Variants in GRAMD1A observed in about 807,000 individuals in gnomAD.
GRAMD1A encodes the protein protein Aster-A.
Under a neutral mutation model 92.0 loss-of-function variants are expected in GRAMD1A, and 50 were observed. That is an observed-to-expected ratio of 0.54 (90% CI 0.43 to 0.69). The LOEUF (loss-of-function observed/expected upper bound fraction) is 0.69. GRAMD1A is among the 30% of genes least tolerant of loss of function. The probability of loss-of-function intolerance (pLI) is 0.00; values close to 1 mark genes in which losing one functional copy is unlikely to be tolerated. For synonymous variants in GRAMD1A, 405 were observed against 403.6 expected (o/e 1.00, Z -0.04); for missense variants, 819 against 978.9 (o/e 0.84, Z 2.18).
intron 9 of GRAMD1A, 99 bp from the exon 10 acceptor site, chr19:35,014,090 G>C: frequency 8.8e-7 from 1 of 1,139,896 alleles, no homozygotes; most frequent in Admixed American, 1.8e-5. Context: ...CACCACCCCG[G>C]GTCTGCACAG....
intron 11 of GRAMD1A, among the ~76,000 whole-genome samples, chr19:35,016,803 G>T (rs1304298333): frequency 6.6e-6 from 1 of 151,320 alleles, no homozygotes; most frequent in East Asian, 1.9e-4. Flanking sequence ...TACTCAGGAG[G>T]CTAAGGCAGG....
intron 16 of GRAMD1A, 148 bp from the exon 17 acceptor site, chr19:35,022,752 G>A: frequency 1.6e-6 from 1 of 635,468 alleles, no homozygotes; most frequent in Non-Finnish European, 2.4e-6. Context: ...TACATGCTCA[G>A]CCTCTGAGCC....
chr19:35,012,070 T>G (rs2015282811), intron 7 of GRAMD1A, among the ~76,000 whole-genome samples: 1 of 152,220 alleles, frequency 6.6e-6, no homozygotes, highest in Non-Finnish European at 1.5e-5. Context: ...CCCCATCCCC[T>G]GGGGCAAGTG....
intron 1 of GRAMD1A, among the ~76,000 whole-genome samples, chr19:35,003,643 T>A (rs2014584532): frequency 6.6e-6 from 1 of 152,198 alleles, no homozygotes; most frequent in Non-Finnish European, 1.5e-5. Context: ...GCTAGAGGGC[T>A]GAGAAAAGCA....
chr19:35,010,208 C>T lies in GRAMD1A; in HGVS notation c.429+13C>T, dbSNP rs776009131. On this transcript the variant is annotated intron_variant, in intron 5 of 19. Transcript: ENST00000317991. ...CTGGGAGACCACGGTGAGCCCGCAG[C>T]GGGGCAGGGTACAGGGGCGGGGGCC... 1.2e-5 allele frequency: 20 copies of T among 1,601,752 alleles called. No homozygotes were observed. The highest frequency in any genetic ancestry group is 3.3e-4 in the Middle Eastern group (2 of 6,062).
intron 16 of GRAMD1A, among the ~76,000 whole-genome samples, chr19:35,022,298 T>A (rs2016118195): frequency 6.6e-6 from 1 of 152,136 alleles, no homozygotes; most frequent in Non-Finnish European, 1.5e-5. Context: ...GGGGGCTTTC[T>A]GGAGGAGCAG....
intron 6 of GRAMD1A, chr19:35,010,590 T>C (rs1215616510): frequency 1.7e-6 from 1 of 602,630 alleles, no homozygotes; most frequent in East Asian, 2.8e-5. Flanking sequence ...CTCACACAGC[T>C]GCTCAGGAAC....
rs2015799176 is a variant in GRAMD1A at position 35,018,438 on chromosome 19, C to T, written c.1214-753C>T. Among the ~76,000 whole-genome samples the T allele has an allele frequency of 2.6e-5, 4 of 152,246 alleles. No homozygotes were observed. In the South Asian group the frequency reaches 8.3e-4, roughly 32 times the overall value. On this transcript the variant is annotated intron_variant, in intron 11 of 19. Transcript: ENST00000317991. ...ACAGCAGCAAACCATGAGGGATCCG[C>T]CCCCATGATCCAAACACCTCTCACC...
chr19:35,000,697 G>A lies in GRAMD1A; in HGVS notation c.8+211G>A, dbSNP rs1362016958. On this transcript the variant is annotated intron_variant, in intron 1 of 19. Coordinates refer to ENST00000317991, the MANE Select transcript of GRAMD1A (RefSeq NM_020895.5). This position sits in a 1 kb window ranked among gnomAD's most constrained non-coding sequence, Gnocchi z 4.9. ...CTGGGGAGTGGGGCGCGGACGCAGGGCAGGGCCCGGGGTCTGGGTCGCCAC... is the reference window on the plus strand; with the variant it reads ...CTGGGGAGTGGGGCGCGGACGCAGGACAGGGCCCGGGGTCTGGGTCGCCAC... Among the ~76,000 whole-genome samples, 1 of 151,958 alleles carries A rather than the reference G, an allele frequency of 6.6e-6. No homozygotes were observed. The highest frequency in any genetic ancestry group is 1.5e-5 in the Non-Finnish European group (1 of 67,942).
chr19:35,013,695 A>C lies in GRAMD1A; in HGVS notation c.870+4A>C, dbSNP rs760093758. The C allele has an allele frequency of 1.9e-6, 3 of 1,602,386 alleles. No individual in the cohort carries two copies. The Admixed American group carries it at 5.1e-5, about 27-fold the overall frequency. On this transcript the variant is annotated splice_donor_region_variant and intron_variant, in intron 9 of 19. Transcript: ENST00000317991. The surrounding 1 kb of genome is among the most constrained non-coding windows in gnomAD (Gnocchi z 4.9). ...CAGCAGCGACGCAGACCATGGGGTG[A>C]GCGGTGGGTTGGAAGAGGGGTGGGA...
chr19:34,995,571 G>GTTT (rs59556577), upstream of GRAMD1A, among the ~76,000 whole-genome samples: 55 of 93,694 alleles, frequency 5.9e-4, 1 homozygote, highest in Non-Finnish European at 8.2e-4. Context: ...CAGATCACGG[G>GTTT]TTTTTTTTTT....
chr19:35,004,465 G>C (rs932978065), intron 1 of GRAMD1A, among the ~76,000 whole-genome samples: 2 of 151,910 alleles, frequency 1.3e-5, no homozygotes, highest in South Asian at 4.2e-4. Flanking sequence ...CTGCTCTCTG[G>C]GGCTCATACT....
chr19:35,006,018 C>A (rs1228948871), intron 1 of GRAMD1A: 2 of 455,700 alleles, frequency 4.4e-6, no homozygotes, highest in African/African-American at 4.0e-5. Context: ...AAATGGGAAT[C>A]CTGCCTTGAA....
rs1017954640 is a variant in GRAMD1A at position 35,013,122 on chromosome 19, C to G, written c.607-134C>G. 2 of 610,392 alleles carry G rather than the reference C, an allele frequency of 3.3e-6. No individual in the cohort carries two copies. The highest frequency in any genetic ancestry group is 5.2e-5 in the Admixed American group (2 of 38,262). 37.8% of individuals were successfully genotyped at this position (610,392 alleles called of 1,614,324 possible). A position where few individuals can be genotyped will look rare whatever the true frequency, so the allele number is the denominator to read the frequency against. On this transcript the variant is annotated intron_variant, in intron 7 of 19. Coordinates refer to ENST00000317991, the MANE Select transcript of GRAMD1A (RefSeq NM_020895.5). The surrounding 1 kb of genome is among the most constrained non-coding windows in gnomAD (Gnocchi z 4.9). ...GATTCCCCGCTTGCTGAGGCCAGGT[C>G]TGGTGCGGGAGATCGTGGCTGCCTC...
At position 35,013,768 on chromosome 19, in the gene GRAMD1A, C is replaced by A; in HGVS notation, c.870+77C>A. 1 of 1,410,018 alleles carries A rather than the reference C, an allele frequency of 7.1e-7. No individual in the cohort carries two copies. The highest frequency in any genetic ancestry group is 9.8e-7 in the Non-Finnish European group (1 of 1,021,436). 87.3% of individuals were successfully genotyped at this position (1,410,018 alleles called of 1,614,324 possible). ...GGCTGGGGGTGCAGTGGGAGAAGAA[C>A]AGCCTGACAGATTTGGAGGGGAATG... On this transcript the variant is annotated intron_variant, in intron 9 of 19. Coordinates refer to ENST00000317991, the MANE Select transcript of GRAMD1A (RefSeq NM_020895.5). The surrounding 1 kb of genome is among the most constrained non-coding windows in gnomAD (Gnocchi z 4.9).
At chr19:35,017,244 G>A (rs1471590095) in intron 11 of GRAMD1A, among the ~76,000 whole-genome samples, 1 of 152,016 alleles carries the variant, frequency 6.6e-6, no homozygotes, top group African/African-American at 2.4e-5. Context: ...TATACAGCCT[G>A]TGGAACTGTG....
chr19:35,000,613 C>T lies in GRAMD1A; in HGVS notation c.8+127C>T. On this transcript the variant is annotated intron_variant, in intron 1 of 19. Coordinates refer to ENST00000317991, the MANE Select transcript of GRAMD1A (RefSeq NM_020895.5). This position sits in a 1 kb window ranked among gnomAD's most constrained non-coding sequence, Gnocchi z 4.9. ...AGAGGTCGGGGGCCTCTGCACATGG[C>T]TCTGGCCGGGGCGATCGGGGTGGGG... 2 of 343,370 alleles carry T rather than the reference C, an allele frequency of 5.8e-6. No individual in the cohort carries two copies. The highest frequency in any genetic ancestry group is 8.6e-6 in the Non-Finnish European group (2 of 232,300). 21.3% of individuals were successfully genotyped at this position (343,370 alleles called of 1,614,324 possible).
intron 6 of GRAMD1A, 27 bp from the exon 7 acceptor site, chr19:35,011,447 A>G: frequency 2.0e-6 from 3 of 1,485,390 alleles, no homozygotes; most frequent in Non-Finnish European, 2.8e-6. Context: ...ACCTGCTCAC[A>G]CCTCTCTCTC....
At position 35,014,638 on chromosome 19, in the gene GRAMD1A, G is replaced by A. The variant is rs532838192; in HGVS notation, c.1069+251G>A. ...TCACACCACTTCCTGACCATGTCAC[G>A]TGGGCAAATTATGTAACTTCTCTGA... On this transcript the variant is annotated intron_variant, in intron 10 of 19. Transcript: ENST00000317991. 50 of 555,550 alleles carry A rather than the reference G, an allele frequency of 9.0e-5. No individual in the cohort carries two copies. In the South Asian group the frequency reaches 9.1e-4, roughly 10 times the overall value. 34.4% of individuals were successfully genotyped at this position (555,550 alleles called of 1,614,324 possible). A position where few individuals can be genotyped will look rare whatever the true frequency, so the allele number is the denominator to read the frequency against.
Sources: gnomAD v4.1 joint callset for allele counts (sites outside exome capture counted in the v4.1 genomes callset) on GRCh38, gnomAD v4.1.1 for gene constraint, Gnocchi (gnomAD v3.1) non-coding constraint, MANE v1.5 for transcripts, NCBI Gene and HGNC (gene_info 2026-07-23, HGNC 2026-07-21) for gene names.